FBXL5: variants seen among roughly 807,000 people sequenced by gnomAD.
The protein encoded by FBXL5 is F-box and leucine rich repeat protein 5, also known as F-box/LRR-repeat protein 5.
FBXL5 carries 26 observed loss-of-function variants against 78.3 expected under a neutral mutation model. The observed-to-expected ratio is 0.33, with a 90% CI of 0.24 to 0.46. The LOEUF is 0.46. Ranked by LOEUF, FBXL5 falls within the 20% of genes least tolerant of loss-of-function variation. The pLI, the probability that FBXL5 is intolerant of heterozygous loss-of-function variation, is 1.00. For synonymous variants in FBXL5, 295 were observed against 282.5 expected (o/e 1.04, Z -0.45); for missense variants, 710 against 829.2 (o/e 0.86, Z 1.77).
chr4:15,669,863 A>G lies in FBXL5; in HGVS notation c.-283-9941T>C, dbSNP rs1363847511. ...TTTTATGAACTATATTTATAATTAC[A>G]GGGATTTCAACATTCCAACTTATCC... On this transcript the variant is annotated intron_variant, in intron 1 of 4. Coordinates refer to the FBXL5 transcript ENST00000507899. Among the ~76,000 whole-genome samples the G allele has an allele frequency of 3.3e-5, 5 of 152,210 alleles. No individual in the cohort carries two copies. The South Asian group carries it at 6.2e-4, about 19-fold the overall frequency.
chr4:15,673,065 G>C (rs185567650), intron 1 of FBXL5, among the ~76,000 whole-genome samples: 1 of 152,078 alleles, frequency 6.6e-6, no homozygotes, highest in Non-Finnish European at 1.5e-5. Context: ...CAATGCCTTC[G>C]TCTGTAATAC....
At chr4:15,676,486 G>T (rs1322055802) in intron 1 of FBXL5, among the ~76,000 whole-genome samples, 1 of 152,054 alleles carries the variant, frequency 6.6e-6, no homozygotes, top group Non-Finnish European at 1.5e-5. Context: ...GAGAGACAAA[G>T]ATATATCAAT....
intron 1 of FBXL5, among the ~76,000 whole-genome samples, chr4:15,669,137 A>T (rs1182078885): frequency 6.6e-6 from 1 of 152,216 alleles, no homozygotes; most frequent in Non-Finnish European, 1.5e-5. Flanking sequence ...ACAGGGATAC[A>T]TTTTGAGAAA....
chr4:15,652,823 A>G (rs565038110), intron 1 of FBXL5, among the ~76,000 whole-genome samples: 2 of 152,270 alleles, frequency 1.3e-5, no homozygotes, highest in South Asian at 4.1e-4. Flanking sequence ...TGAAATAACT[A>G]TTTTGTACCT....
upstream of FBXL5, among the ~76,000 whole-genome samples, chr4:15,656,030 TC>T (rs1432249255): frequency 6.6e-6 from 1 of 152,076 alleles, no homozygotes; most frequent in African/African-American, 2.4e-5. Context: ...TTCGGGAGAC[TC>T]AACGTGGGGG....
chr4:15,644,763 TAAAA>T, intron 1 of FBXL5, 55 bp from the exon 2 acceptor site: 1 of 1,284,650 alleles, frequency 7.8e-7, no homozygotes. Context: ...TATGCACAAA[TAAAA>T]AATATTCAAA....
intron 1 of FBXL5, among the ~76,000 whole-genome samples, chr4:15,652,705 TAAA>T (rs1163237835): frequency 1.3e-5 from 2 of 152,204 alleles, no homozygotes; most frequent in African/African-American, 2.4e-5. Flanking sequence ...TTGATGCTAG[TAAA>T]TAAATGGATG....
At chr4:15,629,190 A>T (rs1713377054) in intron 6 of FBXL5, among the ~76,000 whole-genome samples, 2 of 152,262 alleles carry the variant, frequency 1.3e-5, no homozygotes, top group African/African-American at 4.8e-5. Flanking sequence ...AAAAGGCTCA[A>T]TCTTTACAGC....
At chr4:15,624,940 G>C (rs1712879208) in intron 9 of FBXL5, among the ~76,000 whole-genome samples, 1 of 152,194 alleles carries the variant, frequency 6.6e-6, no homozygotes, top group South Asian at 2.1e-4. Context: ...ACATGTTCTT[G>C]AGAGTAAAAA....
chr4:15,639,270 A>G (rs1714594887), intron 3 of FBXL5, among the ~76,000 whole-genome samples: 1 of 152,204 alleles, frequency 6.6e-6, no homozygotes, highest in Non-Finnish European at 1.5e-5. Context: ...CTTTCCCTTT[A>G]TAGAATTTGT....
intron 9 of FBXL5, among the ~76,000 whole-genome samples, chr4:15,623,904 G>C (rs1037642883): frequency 2.0e-5 from 3 of 151,470 alleles, no homozygotes; most frequent in Non-Finnish European, 4.4e-5. Context: ...CTCACTGCAA[G>C]CTCCGTCTCC....
At chr4:15,674,004 T>C (rs960067381) in intron 1 of FBXL5, among the ~76,000 whole-genome samples, 2 of 152,240 alleles carry the variant, frequency 1.3e-5, no homozygotes, top group Admixed American at 6.5e-5. Flanking sequence ...CATTTTTTAT[T>C]GTTTCTGGCC....
chr4:15,615,359 G>C (rs1252085723), intron 9 of FBXL5, among the ~76,000 whole-genome samples: 1 of 152,184 alleles, frequency 6.6e-6, no homozygotes, highest in Non-Finnish European at 1.5e-5. Context: ...GATCCACTGG[G>C]TGAAGCCAGC....
At position 15,625,424 on chromosome 4, in the gene FBXL5, T is replaced by A. The variant is rs150604742; in HGVS notation, c.1678A>T (p.Met560Leu). Residue 560 changes from methionine (M) to leucine (L), a missense_variant, in exon 9 of 11, where the codon ATG becomes TTG. This residue lies in a region of FBXL5 where 517 missense variants were observed against 542.9 expected (regional missense o/e 0.95). Transcript: ENST00000341285. ...GCAGAAGATTCTGGGAGTGATGACA[T>A]AGTTCTTAAAGCTGTTCCTGTACAA... is the stretch of plus-strand genomic sequence containing the variant. ...FCCTGTALRTMSSLPESSAMC... is the reference protein window; with the variant it reads ...FCCTGTALRTLSSLPESSAMC... 6.2e-7 allele frequency: 1 copy of A among 1,614,034 alleles called. No individual in the cohort carries two copies. Among genetic ancestry groups the A allele is most frequent in the Non-Finnish European group, 8.5e-7 (1 of 1,180,018 alleles).
At chr4:15,647,240 A>G (rs1384026285) in intron 1 of FBXL5, among the ~76,000 whole-genome samples, 24 of 133,728 alleles carry the variant, frequency 1.8e-4, no homozygotes, top group South Asian at 1.4e-3. Flanking sequence ...AAAAAAAAAA[A>G]AAAGAAAGAA....
At chr4:15,647,229 A>G (rs1443942721) in intron 1 of FBXL5, among the ~76,000 whole-genome samples, 3 of 137,696 alleles carry the variant, frequency 2.2e-5, no homozygotes, top group Non-Finnish European at 4.6e-5. Context: ...TCTCAAAAAA[A>G]AAAAAAAAAA....
Position 15,612,275 on chromosome 4 carries a change from T to C in FBXL5, c.1990A>G (p.Asn664Asp). The C allele has an allele frequency of 7.5e-6, 12 of 1,601,744 alleles. No homozygotes were observed. The highest frequency in any genetic ancestry group is 1.0e-5 in the Non-Finnish European group (12 of 1,175,792). Residue 664 changes from asparagine to aspartate, a missense_variant, in exon 10 of 11, where the codon AAC becomes GAC. Asn to Asp is a conservative substitution (Grantham distance 23). Transcript: ENST00000341285. Reference sequence around the variant, plus strand: ...TGTTAAAAGGCATTACCGTTAATGTTGTCACAGTAGTAAAAGTATTCATCA... The same window carrying C: ...TGTTAAAAGGCATTACCGTTAATGTCGTCACAGTAGTAAAAGTATTCATCA... Reference protein sequence around the residue: ...LNDEYFYYCDNINGPHADTAS... With the variant: ...LNDEYFYYCDDINGPHADTAS...
chr4:15,677,842 G>C (rs1326974427), intron 1 of FBXL5, among the ~76,000 whole-genome samples: 1 of 152,174 alleles, frequency 6.6e-6, no homozygotes, highest in Non-Finnish European at 1.5e-5. Context: ...CCCAAATATG[G>C]AGTCAGCCTG....
chr4:15,629,374 A>AT (rs1713393577), intron 6 of FBXL5, among the ~76,000 whole-genome samples: 3 of 152,140 alleles, frequency 2.0e-5, no homozygotes, highest in Non-Finnish European at 4.4e-5. Flanking sequence ...ATCTGAGCAA[A>AT]TATCTCATCT....
Sources: gnomAD v4.1 joint callset for allele counts (sites outside exome capture counted in the v4.1 genomes callset) on GRCh38, gnomAD v4.1.1 for gene constraint, gnomAD v4.1.1 regional missense constraint, MANE v1.5 for transcripts, NCBI Gene and HGNC (gene_info 2026-07-23, HGNC 2026-07-21) for gene names.